MAOA: variants seen among roughly 807,000 people sequenced by gnomAD.
MAOA encodes monoamine oxidase A.
In MAOA, 6 loss-of-function variants were observed where a neutral mutation model predicts 42.0. The ratio of observed to expected loss-of-function variants is 0.14; its 90% CI spans 0.08 to 0.28. MAOA has a LOEUF of 0.28. Among genes scored for constraint, MAOA ranks in the 10% least tolerant of loss-of-function variants. The pLI is 1.00. For synonymous variants in MAOA, 140 were observed against 154.0 expected, an observed-to-expected ratio of 0.91 and a Z score of 0.67; for missense variants, 262 against 422.3, an observed-to-expected ratio of 0.62 and a Z score of 3.33.
chrX:43,712,053 C>A, intron 4 of MAOA, 77 bp downstream of exon 4: 2 of 757,850 alleles, frequency 2.6e-6, no homozygotes, highest in Non-Finnish European at 2.1e-6. Flanking sequence ...TTCCATAGTG[C>A]AGGGAACATT....
At chrX:43,660,209 A>G (rs1003255773) in intron 1 of MAOA, among the ~76,000 whole-genome samples, 8 of 111,350 alleles carry the variant, frequency 7.2e-5, no homozygotes, top group African/African-American at 2.6e-4. Context: ...TTCACTTAAG[A>G]TAATGGTCTC....
intron 5 of MAOA, among the ~76,000 whole-genome samples, chrX:43,727,561 C>A (rs1285498057): frequency 8.9e-6 from 1 of 112,674 alleles, no homozygotes; most frequent in Non-Finnish European, 1.9e-5. Context: ...GTGCTAGCAG[C>A]GAGGATTTCA....
chrX:43,690,346 T>G (rs1452505609), intron 2 of MAOA, among the ~76,000 whole-genome samples: 1 of 111,293 alleles, frequency 9.0e-6, no homozygotes, highest in East Asian at 2.8e-4. Context: ...AAAATTTTAA[T>G]TAGTACATTT....
chrX:43,720,104 G>A (rs1329446127), intron 5 of MAOA, among the ~76,000 whole-genome samples: 1 of 109,203 alleles, frequency 9.2e-6, no homozygotes, highest in Non-Finnish European at 1.9e-5. Flanking sequence ...ATCCAGATAT[G>A]ACTCAGGAGT....
chrX:43,724,549 G>A (rs1162197199), intron 5 of MAOA, among the ~76,000 whole-genome samples: 1 of 110,936 alleles, frequency 9.0e-6, no homozygotes, highest in Admixed American at 9.6e-5. Context: ...TTTTTATTGT[G>A]TATATTTGAT....
At chrX:43,731,583 G>A (rs1172191463) in intron 7 of MAOA, 111 bp from the exon 8 acceptor site, 2 of 924,410 alleles carry the variant, frequency 2.2e-6, no homozygotes, top group South Asian at 2.1e-5. Context: ...TTCTCATTTT[G>A]TATGTTTTTA....
At chrX:43,705,950 G>A (rs1400682554) in intron 3 of MAOA, among the ~76,000 whole-genome samples, 1 of 112,266 alleles carries the variant, frequency 8.9e-6, no homozygotes, top group African/African-American at 3.2e-5. Context: ...AATAAAAAAG[G>A]CAGACATTAA....
Position 43,678,938 on chromosome X carries a change from A to T in MAOA, c.74-4575A>T, listed in dbSNP as rs1363946784. Among the ~76,000 whole-genome samples, 5 of 111,850 alleles carry T rather than the reference A, an allele frequency of 4.5e-5. No homozygotes were observed. The East Asian group carries it at 1.4e-3, about 31-fold the overall frequency. Reference sequence around the variant, plus strand: ...CCTTAACAGGGTCTTCTTCCCAGTAAACATGCAAACTGAAACATTAGCACC... The same window carrying T: ...CCTTAACAGGGTCTTCTTCCCAGTATACATGCAAACTGAAACATTAGCACC... On this transcript the variant is annotated intron_variant, in intron 1 of 14. Coordinates refer to ENST00000338702, the MANE Select transcript of MAOA (RefSeq NM_000240.4).
intron 3 of MAOA, among the ~76,000 whole-genome samples, chrX:43,702,199 T>G (rs1267294045): frequency 8.9e-6 from 1 of 112,187 alleles, no homozygotes; most frequent in Non-Finnish European, 1.9e-5. Context: ...GGATCGATGC[T>G]GCCATGTAAC....
At chrX:43,656,648 TTTAA>T (rs1329007070) in intron 1 of MAOA, among the ~76,000 whole-genome samples, 1 of 111,486 alleles carries the variant, frequency 9.0e-6, no homozygotes, top group Non-Finnish European at 1.9e-5. Flanking sequence ...AATACTAATA[TTTAA>T]TTAGCTCTTG....
At chrX:43,659,754 C>G (rs1179495931) in intron 1 of MAOA, among the ~76,000 whole-genome samples, 1 of 111,102 alleles carries the variant, frequency 9.0e-6, no homozygotes, top group African/African-American at 3.3e-5. Flanking sequence ...TCCTCAGTTC[C>G]TTGACTCTGT....
rs148961299 is a variant in MAOA at position 43,709,810 on chromosome X, C to T, written c.307-2062C>T. Reference sequence around the variant, plus strand: ...GAGTATGTATTAGCATTTTCCAAAGCTGTTTATGTTCCCTCAGTGGTCGTC... The same window carrying T: ...GAGTATGTATTAGCATTTTCCAAAGTTGTTTATGTTCCCTCAGTGGTCGTC... On this transcript the variant is annotated intron_variant, in intron 3 of 14. Coordinates refer to ENST00000338702, the MANE Select transcript of MAOA (RefSeq NM_000240.4). 4.0e-3 allele frequency among the ~76,000 whole-genome samples: 449 copies of T among 111,832 alleles called. 5 individuals carry two copies. The highest frequency in any genetic ancestry group is 0.014 in the African/African-American group (427 of 30,799).
In MAOA at chrX:43,680,046, G is replaced by A. The variant is rs181443785; in HGVS notation, c.74-3467G>A. 2.7e-5 allele frequency among the ~76,000 whole-genome samples: 3 copies of A among 112,093 alleles called. No homozygotes were observed. The East Asian group carries it at 8.4e-4, about 31-fold the overall frequency. On this transcript the variant is annotated intron_variant, in intron 1 of 14. Transcript: ENST00000338702. ...GTCAGGGGATGGCTTTTCTTTGTGA[G>A]CTGATTCCACAAATTCATTACATAC...
At chrX:43,727,300 C>T (rs2033845934) in intron 5 of MAOA, among the ~76,000 whole-genome samples, 1 of 112,081 alleles carries the variant, frequency 8.9e-6, no homozygotes, top group Non-Finnish European at 1.9e-5. Context: ...TGCTCTGGCC[C>T]AAGGAGATGG....
chrX:43,728,383 G>A (rs2033855991), intron 6 of MAOA, 69 bp downstream of exon 6: 17 of 1,049,814 alleles, frequency 1.6e-5, no homozygotes, highest in Non-Finnish European at 2.3e-5. Context: ...CCAGGGCAGT[G>A]TCTTTAATAG....
chrX:43,686,178 A>C (rs2033486067), intron 2 of MAOA, among the ~76,000 whole-genome samples: 1 of 112,168 alleles, frequency 8.9e-6, no homozygotes, highest in Non-Finnish European at 1.9e-5. Context: ...GTTGTCCCTT[A>C]GCTCTATTTT....
intron 3 of MAOA, among the ~76,000 whole-genome samples, chrX:43,708,525 A>G (rs1157018034): frequency 4.5e-5 from 5 of 111,495 alleles, no homozygotes; most frequent in Admixed American, 9.5e-5. Flanking sequence ...ACATATGTGC[A>G]TTTCTTTTTA....
chrX:43,666,765 T>C (rs2033282355), intron 1 of MAOA, among the ~76,000 whole-genome samples: 1 of 111,069 alleles, frequency 9.0e-6, no homozygotes, highest in African/African-American at 3.3e-5. Flanking sequence ...TCACTTAGTC[T>C]CTTCTTACTT....
intron 7 of MAOA, 84 bp downstream of exon 7, chrX:43,731,474 A>G (rs1477482719): frequency 2.0e-6 from 2 of 1,015,089 alleles, no homozygotes; most frequent in Non-Finnish European, 1.4e-6. Flanking sequence ...TTCAAGCAGT[A>G]GCATAATTAA....
Sources: allele counts gnomAD v4.1 joint callset (sites outside exome capture counted in the v4.1 genomes callset), GRCh38; gene constraint gnomAD v4.1.1; transcripts MANE v1.5; gene names NCBI Gene and HGNC (gene_info 2026-07-23, HGNC 2026-07-21).